PRSS23: variants seen among roughly 807,000 people sequenced by gnomAD.
The protein encoded by PRSS23 is protease, serine 23.
In PRSS23, 25 loss-of-function variants were observed where a neutral mutation model predicts 34.7. The observed-to-expected ratio is 0.72, with a 90% CI of 0.53 to 1.01. The LOEUF is 1.01. PRSS23 is among the 50% of genes least tolerant of loss of function. The probability of loss-of-function intolerance (pLI) is 0.00; values close to 1 mark genes in which losing one functional copy is unlikely to be tolerated. For synonymous variants in PRSS23, 176 were observed against 186.6 expected, an observed-to-expected ratio of 0.94 and a Z score of 0.46; for missense variants, 445 against 475.6, an observed-to-expected ratio of 0.94 and a Z score of 0.60.
At chr11:86,833,018 C>G in intron 2 of PRSS23, 1 of 424,770 alleles carries the variant, frequency 2.4e-6, no homozygotes, top group Non-Finnish European at 4.4e-6. Flanking sequence ...AAAAAAAACA[C>G]AAAACTAGGA....
intron 2 of PRSS23, among the ~76,000 whole-genome samples, chr11:86,862,036 C>G (rs1402369094): frequency 6.6e-6 from 1 of 151,586 alleles, no homozygotes; most frequent in African/African-American, 2.4e-5. Flanking sequence ...TGTACACCCC[C>G]TTGTGGTATT....
intron 2 of PRSS23, among the ~76,000 whole-genome samples, chr11:86,886,805 G>T (rs1948805352): frequency 6.6e-6 from 1 of 152,156 alleles, no homozygotes. Flanking sequence ...CAGGCATGGT[G>T]GTGGGCACCT....
chr11:86,911,576 C>T (rs1590924870), intron 2 of PRSS23: 2 of 152,120 alleles, frequency 1.3e-5, no homozygotes, highest in South Asian at 2.1e-4. Context: ...CATGCAGTAT[C>T]GGATTTTGTT....
intron 2 of PRSS23, among the ~76,000 whole-genome samples, chr11:86,853,986 C>G (rs554796638): frequency 1.3e-5 from 2 of 152,026 alleles, no homozygotes; most frequent in African/African-American, 4.8e-5. Context: ...ATTTTATATG[C>G]TTATTGGCCA....
In PRSS23 at chr11:86,808,476, A is replaced by G; in HGVS notation, c.833A>G (p.His278Arg). The G allele has an allele frequency of 1.9e-6, 3 of 1,614,200 alleles. No individual in the cohort carries two copies. The highest frequency in any genetic ancestry group is 2.5e-6 in the Non-Finnish European group (3 of 1,180,034). ...PAKQLPGGRI[H>R]FSGYDNDRPG... ...AAGCAGCTGCCAGGGGGCAGAATTCACTTCTCTGGTTATGACAATGACCGA... is the reference window on the plus strand; with the variant it reads ...AAGCAGCTGCCAGGGGGCAGAATTCGCTTCTCTGGTTATGACAATGACCGA... The change falls in exon 2 of 2, where the codon CAC becomes CGC. Residue 278 changes from histidine (H) to arginine (R), a missense_variant. Transcript: ENST00000280258.
chr11:86,891,320 T>G (rs770278093), intron 2 of PRSS23, among the ~76,000 whole-genome samples: 33 of 152,322 alleles, frequency 2.2e-4, no homozygotes, highest in Non-Finnish European at 4.7e-4. Flanking sequence ...TATTGCCCCC[T>G]CAGTAATGCT....
At chr11:86,877,031 A>C (rs576667050) in intron 2 of PRSS23, among the ~76,000 whole-genome samples, 1 of 152,182 alleles carries the variant, frequency 6.6e-6, no homozygotes, top group Non-Finnish European at 1.5e-5. Context: ...TAGCCATCTC[A>C]ATGAGCGAGG....
chr11:86,881,737 G>T (rs1051831535), intron 2 of PRSS23, among the ~76,000 whole-genome samples: 1 of 152,044 alleles, frequency 6.6e-6, no homozygotes, highest in Non-Finnish European at 1.5e-5. Flanking sequence ...ACTTTTCTTT[G>T]TGGGAAGTTT....
intron 2 of PRSS23, among the ~76,000 whole-genome samples, chr11:86,941,773 T>A (rs1254303542): frequency 6.6e-6 from 1 of 152,218 alleles, no homozygotes; most frequent in Non-Finnish European, 1.5e-5. Flanking sequence ...GAGAATTTTC[T>A]TGGGGGCTAG....
At chr11:86,913,942 T>G (rs1948994593) in intron 2 of PRSS23, among the ~76,000 whole-genome samples, 1 of 150,064 alleles carries the variant, frequency 6.7e-6, no homozygotes, top group Non-Finnish European at 1.5e-5. Flanking sequence ...CGGTAGCTTA[T>G]GCCTGTAATC....
Position 86,879,772 on chromosome 11 carries a change from G to T in PRSS23, c.206+56179G>T, listed in dbSNP as rs1352896100. On this transcript the variant is annotated intron_variant, in intron 2 of 2. Coordinates refer to the PRSS23 transcript ENST00000533902. Reference sequence around the variant, plus strand: ...CAGCCGCCCCGTCCGGGAGGGAGGTGGGGGGGTCAGCCCCCTGCCCGGCCA... The same window carrying T: ...CAGCCGCCCCGTCCGGGAGGGAGGTTGGGGGGTCAGCCCCCTGCCCGGCCA... Among the ~76,000 whole-genome samples, 19 of 99,852 alleles carry T rather than the reference G, an allele frequency of 1.9e-4. 1 individual carries two copies. The highest frequency in any genetic ancestry group is 6.8e-4 in the African/African-American group (18 of 26,358). 65.5% of individuals were successfully genotyped at this position (99,852 alleles called of 152,430 possible).
chr11:86,829,534 G>C (rs911346913), intron 2 of PRSS23, among the ~76,000 whole-genome samples: 1 of 152,210 alleles, frequency 6.6e-6, no homozygotes, highest in African/African-American at 2.4e-5. Flanking sequence ...CTGGTGAGAA[G>C]CTGCGTTCCT....
Position 86,855,325 on chromosome 11 carries a change from A to G in PRSS23, c.206+31732A>G, listed in dbSNP as rs192261676. 7.4e-4 allele frequency among the ~76,000 whole-genome samples: 113 copies of G among 152,334 alleles called. 1 individual carries two copies. Among genetic ancestry groups the G allele is most frequent in the African/African-American group, 2.6e-3 (106 of 41,564 alleles). On this transcript the variant is annotated intron_variant, in intron 2 of 2. Coordinates refer to the PRSS23 transcript ENST00000533902. ...TTTCCAAGCCATCTGGAAATATTCA[A>G]TAAATTCCTGTGAACTAAAATTTCC...
At chr11:86,940,199 G>A (rs1189726333) in intron 2 of PRSS23, among the ~76,000 whole-genome samples, 1 of 152,278 alleles carries the variant, frequency 6.6e-6, no homozygotes, top group Non-Finnish European at 1.5e-5. Context: ...GCAAGGGGGA[G>A]TCTGAATGCA....
chr11:86,849,734 G>C (rs773201635), intron 2 of PRSS23, among the ~76,000 whole-genome samples: 1 of 152,130 alleles, frequency 6.6e-6, no homozygotes, highest in Admixed American at 6.5e-5. Flanking sequence ...ATATCCTGCT[G>C]TACCTAACCC....
intron 2 of PRSS23, chr11:86,833,160 CT>C: frequency 1.2e-6 from 1 of 856,292 alleles, no homozygotes; most frequent in Non-Finnish European, 2.0e-6. Context: ...AGAGAGACAT[CT>C]GAGTCAGGCA....
intron 2 of PRSS23, among the ~76,000 whole-genome samples, chr11:86,919,671 C>T (rs773289521): frequency 9.9e-5 from 15 of 152,170 alleles, no homozygotes; most frequent in African/African-American, 3.6e-4. Context: ...ATCATGTTAC[C>T]TCCCCGGGCC....
At chr11:86,815,854 G>A (rs1280852024), downstream of PRSS23, among the ~76,000 whole-genome samples, 1 of 152,090 alleles carries the variant, frequency 6.6e-6, no homozygotes, top group Non-Finnish European at 1.5e-5. Context: ...CCCTGCCACT[G>A]CCCTGATTTC....
At chr11:86,879,191 C>A in intron 2 of PRSS23, among the ~76,000 whole-genome samples, 1 of 149,726 alleles carries the variant, frequency 6.7e-6, no homozygotes, top group Admixed American at 6.6e-5. Flanking sequence ...CGTCTCTGCC[C>A]GGCGGCCCAT....
Sources: gnomAD v4.1 joint callset for allele counts (sites outside exome capture counted in the v4.1 genomes callset) on GRCh38, gnomAD v4.1.1 for gene constraint, MANE v1.5 for transcripts, NCBI Gene and HGNC (gene_info 2026-07-23, HGNC 2026-07-21) for gene names.